The following DNAH14 variants were observed in gnomAD, a reference collection of about 807,000 sequenced individuals.
The protein encoded by DNAH14 is axonemal beta dynein heavy chain 14.
DNAH14 carries 478 observed loss-of-function variants against 520.9 expected under a neutral mutation model. That is an observed-to-expected ratio of 0.92 (90% CI 0.85 to 0.99). The LOEUF is 0.99. DNAH14 is among the 50% of genes least tolerant of loss of function. The pLI, the probability that DNAH14 is intolerant of heterozygous loss-of-function variation, is 0.00. For missense variants in DNAH14, 4,831 were observed against 5,234.5 expected (o/e 0.92, Z 2.38); for synonymous variants, 1,581 against 1,757.2 (o/e 0.90, Z 2.51).
intron 71 of DNAH14, among the ~76,000 whole-genome samples, chr1:225,349,161 C>T (rs1351477200): frequency 2.6e-5 from 4 of 151,988 alleles, no homozygotes; most frequent in African/African-American, 4.8e-5. Flanking sequence ...TTGGTAGAGA[C>T]GAGGTCTCAC....
chr1:225,383,291 A>G (rs2095802185), intron 81 of DNAH14, among the ~76,000 whole-genome samples: 1 of 152,242 alleles, frequency 6.6e-6, no homozygotes, highest in South Asian at 2.1e-4. Flanking sequence ...AAAATTGAAT[A>G]CAAGCTGTGA....
intron 28 of DNAH14, 93 bp from the exon 29 acceptor site, chr1:225,144,299 TCAATG>T: frequency 1.1e-6 from 1 of 929,234 alleles, no homozygotes; most frequent in Non-Finnish European, 1.6e-6. Flanking sequence ...GTTTTTTTAA[TCAATG>T]CTCCATTTTT....
intron 8 of DNAH14, among the ~76,000 whole-genome samples, chr1:224,998,979 T>A (rs1364227604): frequency 6.6e-6 from 1 of 152,170 alleles, no homozygotes; most frequent in Non-Finnish European, 1.5e-5. Flanking sequence ...CTTGGTGGAT[T>A]GATGCTTTTA....
At chr1:225,071,616 C>A (rs769232860) in intron 17 of DNAH14, among the ~76,000 whole-genome samples, 7 of 151,960 alleles carry the variant, frequency 4.6e-5, no homozygotes, top group Non-Finnish European at 1.0e-4. Context: ...TGAGTTCATT[C>A]TCACACTGCT....
At chr1:224,986,166 C>A (rs1016534436) in intron 8 of DNAH14, among the ~76,000 whole-genome samples, 9 of 151,840 alleles carry the variant, frequency 5.9e-5, no homozygotes, top group Non-Finnish European at 1.3e-4. Context: ...ACCTTAGGAC[C>A]TGATGGCTTC....
intron 38 of DNAH14, among the ~76,000 whole-genome samples, chr1:225,203,569 A>G (rs2087135149): frequency 6.6e-6 from 1 of 152,226 alleles, no homozygotes; most frequent in Admixed American, 6.5e-5. Context: ...AGAGATGAAT[A>G]ATTAAGCCTC....
intron 17 of DNAH14, among the ~76,000 whole-genome samples, chr1:225,061,810 A>G (rs545193758): frequency 3.3e-5 from 5 of 152,270 alleles, no homozygotes; most frequent in South Asian, 4.1e-4. Flanking sequence ...AAGTCCTTAT[A>G]TAGCACTTAA....
At chr1:225,024,037 CTTA>C in intron 11 of DNAH14, 172 bp downstream of exon 11, 1 of 1,267,516 alleles carries the variant, frequency 7.9e-7, no homozygotes, top group African/African-American at 1.6e-5. Flanking sequence ...TAATACCTTA[CTTA>C]ATATCGGTGC....
At chr1:224,934,977 G>A (rs1371134267) in intron 1 of DNAH14, among the ~76,000 whole-genome samples, 1 of 151,730 alleles carries the variant, frequency 6.6e-6, no homozygotes, top group African/African-American at 2.4e-5. Flanking sequence ...AGGAATTCAG[G>A]ATCACAAAAT....
intron 41 of DNAH14, among the ~76,000 whole-genome samples, chr1:225,226,465 C>T (rs754739418): frequency 5.3e-5 from 8 of 152,232 alleles, no homozygotes; most frequent in Non-Finnish European, 1.0e-4. Context: ...CCTTCCCAAA[C>T]ATTCCTCCCT....
intron 17 of DNAH14, among the ~76,000 whole-genome samples, chr1:225,064,240 T>C (rs2070567970): frequency 6.6e-6 from 1 of 152,018 alleles, no homozygotes; most frequent in South Asian, 2.1e-4. Context: ...TATATAGCCA[T>C]TGGAATGGCT....
At chr1:225,226,923 A>T (rs772446650) in intron 41 of DNAH14, among the ~76,000 whole-genome samples, 12 of 152,172 alleles carry the variant, frequency 7.9e-5, no homozygotes, top group African/African-American at 2.4e-4. Context: ...CTTGATGTGC[A>T]TGTAGGCCAG....
At chr1:225,314,851 T>C (rs1361131933) in intron 60 of DNAH14, among the ~76,000 whole-genome samples, 1 of 152,216 alleles carries the variant, frequency 6.6e-6, no homozygotes, top group Non-Finnish European at 1.5e-5. Context: ...CCGACCTTTC[T>C]CTCTGGCTGC....
chr1:225,288,878 C>A (rs1427658014), intron 54 of DNAH14, among the ~76,000 whole-genome samples: 1 of 152,038 alleles, frequency 6.6e-6, no homozygotes, highest in Non-Finnish European at 1.5e-5. Flanking sequence ...TAAAATAGTA[C>A]AACTACTTTG....
At position 225,100,841 on chromosome 1, in the gene DNAH14, A is replaced by C; in HGVS notation, c.3824A>C (p.Gln1275Pro). The change falls in exon 23 of 86, where the codon CAA becomes CCA. Residue 1275 changes from glutamine to proline, a missense_variant. Transcript: ENST00000682510. Reference sequence around the variant, plus strand: ...TCTGCAGGAGTCCTTGAAATTCTGCAAAATTGTAATATACATCTTGAACAT... The same window carrying C: ...TCTGCAGGAGTCCTTGAAATTCTGCCAAATTGTAATATACATCTTGAACAT... Reference protein sequence around the residue: ...TTSAGVLEILQNCNIHLEHIK... With the variant: ...TTSAGVLEILPNCNIHLEHIK... 6.5e-7 allele frequency: 1 copy of C among 1,531,196 alleles called. No homozygotes were observed. The highest frequency in any genetic ancestry group is 1.3e-5 in the South Asian group (1 of 78,794). 94.9% of individuals were successfully genotyped at this position (1,531,196 alleles called of 1,614,324 possible). A position where few individuals can be genotyped will look rare whatever the true frequency, so the allele number is the denominator to read the frequency against.
chr1:225,211,844 A>G (rs189013591), intron 41 of DNAH14, among the ~76,000 whole-genome samples: 1 of 152,176 alleles, frequency 6.6e-6, no homozygotes, highest in African/African-American at 2.4e-5. Context: ...AATATTCAAC[A>G]TTCTTAAAGG....
Position 225,079,261 on chromosome 1 carries a change from T to A in DNAH14, c.2479T>A (p.Phe827Ile), listed in dbSNP as rs1217501025. Residue 827 changes from phenylalanine to isoleucine, a missense_variant, in exon 18 of 86, where the codon TTT (phenylalanine) becomes ATT (isoleucine). Phe to Ile is a conservative substitution (Grantham distance 21, BLOSUM62 0). Coordinates refer to ENST00000682510, the MANE Select transcript of DNAH14 (RefSeq NM_001367479.1). The stretch of plus-strand genomic sequence containing the variant: ...ATGTGATCCCACTGAAATAGAAGAA[T>A]TTCTGGAGCATTTTATTTTTTTGAA... ...LECDPTEIEE[F>I]LEHFIFLNAI... The A allele has an allele frequency of 1.9e-6, 3 of 1,548,420 alleles. No individual in the cohort carries two copies. The highest frequency in any genetic ancestry group is 2.6e-6 in the Non-Finnish European group (3 of 1,146,406).
At chr1:225,332,177 C>T (rs1456158093) in intron 65 of DNAH14, among the ~76,000 whole-genome samples, 1 of 152,132 alleles carries the variant, frequency 6.6e-6, no homozygotes, top group Non-Finnish European at 1.5e-5. Flanking sequence ...AGTTTAGTTA[C>T]ACCTCAGCTA....
At chr1:224,994,816 T>G (rs1218015781) in intron 8 of DNAH14, among the ~76,000 whole-genome samples, 1 of 152,054 alleles carries the variant, frequency 6.6e-6, no homozygotes, top group Non-Finnish European at 1.5e-5. Flanking sequence ...TGTTCTTTTT[T>G]TGTGTTGGGT....
Sources: gnomAD v4.1 joint callset for allele counts (sites outside exome capture counted in the v4.1 genomes callset) on GRCh38, gnomAD v4.1.1 for gene constraint, MANE v1.5 for transcripts, NCBI Gene and HGNC (gene_info 2026-07-23, HGNC 2026-07-21) for gene names.